Variants in ADAM23 observed in about 807,000 individuals in gnomAD.
ADAM23 encodes ADAM metallopeptidase domain 23, also known as disintegrin and metalloproteinase domain-containing protein 23.
ADAM23 carries 33 observed loss-of-function variants against 120.1 expected under a neutral mutation model. The observed-to-expected ratio is 0.27, with a 90% CI of 0.21 to 0.37. The LOEUF (loss-of-function observed/expected upper bound fraction) is 0.37. Ranked by LOEUF, ADAM23 falls within the 10% of genes least tolerant of loss-of-function variation. The pLI is 1.00. For missense variants in ADAM23, 862 were observed against 1,058.2 expected (o/e 0.81, Z 2.57); for synonymous variants, 367 against 375.2 (o/e 0.98, Z 0.25).
intron 24 of ADAM23, chr2:206,605,905 G>A (rs1372215690): frequency 1.6e-6 from 1 of 644,630 alleles, no homozygotes. Context: ...CAGTTTCAGA[G>A]TGTTTCTGTG....
At chr2:206,532,995 A>G (rs977505584) in intron 4 of ADAM23, among the ~76,000 whole-genome samples, 5 of 152,068 alleles carry the variant, frequency 3.3e-5, no homozygotes, top group Admixed American at 6.5e-5. Flanking sequence ...GAAAGTTTGT[A>G]TAAATTCATA....
intron 18 of ADAM23, among the ~76,000 whole-genome samples, chr2:206,578,867 A>T (rs1427900239): frequency 2.0e-5 from 3 of 152,074 alleles, no homozygotes; most frequent in Non-Finnish European, 2.9e-5. Context: ...GCAGTGTAGA[A>T]GTGTTCCCTG....
intron 2 of ADAM23, among the ~76,000 whole-genome samples, chr2:206,470,741 C>G (rs1695640212): frequency 6.6e-6 from 1 of 152,182 alleles, no homozygotes; most frequent in Non-Finnish European, 1.5e-5. Context: ...GGGTAGAATA[C>G]AACCCATCCA....
intron 3 of ADAM23, among the ~76,000 whole-genome samples, chr2:206,499,150 G>T (rs7596250): frequency 1.3e-5 from 2 of 151,314 alleles, no homozygotes; most frequent in African/African-American, 4.9e-5. Flanking sequence ...TACTGGGTAT[G>T]TACCCAAAGG....
At chr2:206,465,122 C>T (rs566909929) in intron 2 of ADAM23, among the ~76,000 whole-genome samples, 21 of 151,122 alleles carry the variant, frequency 1.4e-4, no homozygotes, top group Non-Finnish European at 2.5e-4. Context: ...CGTTGCTCGC[C>T]GTAGCCTCAA....
At chr2:206,558,011 G>T (rs928311810) in intron 10 of ADAM23, among the ~76,000 whole-genome samples, 1 of 152,138 alleles carries the variant, frequency 6.6e-6, no homozygotes, top group African/African-American at 2.4e-5. Context: ...GGAAATAAGT[G>T]CAGTCCCCAA....
chr2:206,496,038 A>G (rs2105889370), intron 3 of ADAM23, among the ~76,000 whole-genome samples: 1 of 152,326 alleles, frequency 6.6e-6, no homozygotes, highest in Non-Finnish European at 1.5e-5. Flanking sequence ...TTAGACTCCC[A>G]CACAATAATA....
chr2:206,545,507 A>G (rs1428451348), intron 6 of ADAM23, among the ~76,000 whole-genome samples: 1 of 152,138 alleles, frequency 6.6e-6, no homozygotes, highest in East Asian at 1.9e-4. Flanking sequence ...TAATTAATTA[A>G]TTAATTTTGA....
chr2:206,542,870 A>G (rs1489328204), intron 5 of ADAM23, among the ~76,000 whole-genome samples: 1 of 152,182 alleles, frequency 6.6e-6, no homozygotes, highest in East Asian at 1.9e-4. Context: ...TACAGATGAT[A>G]TTGAATTTGC....
chr2:206,492,921 T>TA (rs1696162807), intron 3 of ADAM23, among the ~76,000 whole-genome samples: 1 of 152,158 alleles, frequency 6.6e-6, no homozygotes, highest in Non-Finnish European at 1.5e-5. Flanking sequence ...CTTAGAGAAA[T>TA]AAAAAACTTT....
chr2:206,499,097 A>G (rs1696323398), intron 3 of ADAM23, among the ~76,000 whole-genome samples: 1 of 152,086 alleles, frequency 6.6e-6, no homozygotes, highest in Non-Finnish European at 1.5e-5. Flanking sequence ...ATGATTCCTC[A>G]GGGATCTAGA....
intron 3 of ADAM23, among the ~76,000 whole-genome samples, chr2:206,486,891 C>T (rs937470102): frequency 6.6e-6 from 1 of 152,166 alleles, no homozygotes; most frequent in East Asian, 1.9e-4. Flanking sequence ...CTCCCCATTC[C>T]CTTCTTCCTT....
intron 4 of ADAM23, among the ~76,000 whole-genome samples, chr2:206,537,290 G>T (rs1283898835): frequency 6.6e-6 from 1 of 152,110 alleles, no homozygotes; most frequent in Non-Finnish European, 1.5e-5. Flanking sequence ...AGGGTTTTTG[G>T]CAGCAGGAGA....
chr2:206,549,669 C>A (rs985628820), intron 8 of ADAM23, among the ~76,000 whole-genome samples: 1 of 151,854 alleles, frequency 6.6e-6, no homozygotes, highest in Non-Finnish European at 1.5e-5. Context: ...GTAATTATAA[C>A]TTATGCTATT....
intron 18 of ADAM23, among the ~76,000 whole-genome samples, chr2:206,586,295 A>G (rs1458297019): frequency 1.3e-5 from 2 of 152,204 alleles, no homozygotes; most frequent in Non-Finnish European, 2.9e-5. Flanking sequence ...GGTGACTAGG[A>G]TAGAAGCAAG....
At chr2:206,556,456 A>G (rs1318751635) in intron 9 of ADAM23, among the ~76,000 whole-genome samples, 3 of 152,112 alleles carry the variant, frequency 2.0e-5, no homozygotes, top group Admixed American at 1.3e-4. Flanking sequence ...ATTGAAGGTA[A>G]ATTTCAAAGA....
intron 3 of ADAM23, among the ~76,000 whole-genome samples, chr2:206,499,499 G>C (rs546303883): frequency 3.8e-5 from 5 of 130,016 alleles, no homozygotes; most frequent in Admixed American, 8.2e-5. Context: ...GTTGTGGGGT[G>C]GGGGGAGGGG....
chr2:206,562,894 A>G lies in ADAM23; in HGVS notation c.1345+601A>G, dbSNP rs7581390. Among the ~76,000 whole-genome samples, 1,026 of 152,300 alleles carry G rather than the reference A, an allele frequency of 6.7e-3. 20 individuals carry two copies. Among genetic ancestry groups the G allele is most frequent in the African/African-American group, 0.024 (983 of 41,554 alleles). ...GCCACACATCCCATCAGTAAAAAAC[A>G]TAGCCAGTGACTGTTAGGCGTCATT... On this transcript the variant is annotated intron_variant, in intron 13 of 25. Coordinates refer to ENST00000264377, the MANE Select transcript of ADAM23 (RefSeq NM_003812.4).
chr2:206,496,608 A>G (rs1189228960), intron 3 of ADAM23, among the ~76,000 whole-genome samples: 1 of 152,212 alleles, frequency 6.6e-6, no homozygotes, highest in Admixed American at 6.5e-5. Context: ...AAGCAAGAGC[A>G]TACACACTCA....
Sources: allele counts gnomAD v4.1 joint callset (sites outside exome capture counted in the v4.1 genomes callset), GRCh38; gene constraint gnomAD v4.1.1; transcripts MANE v1.5; gene names NCBI Gene and HGNC (gene_info 2026-07-23, HGNC 2026-07-21).